UBR3: variants seen among roughly 807,000 people sequenced by gnomAD.
The protein encoded by UBR3 is ubiquitin protein ligase E3 component n-recognin 3, also known as E3 ubiquitin-protein ligase UBR3.
UBR3 carries 85 observed loss-of-function variants against 243.2 expected under a neutral mutation model. The observed-to-expected ratio is 0.35, with a 90% confidence interval of 0.29 to 0.42. UBR3 has a LOEUF of 0.42. UBR3 is among the 10% of genes least tolerant of loss of function. UBR3 has a pLI of 1.00. For synonymous variants in UBR3, 748 were observed against 799.8 expected, an observed-to-expected ratio of 0.94 and a Z score of 1.09; for missense variants, 1,686 against 2,300.8, an observed-to-expected ratio of 0.73 and a Z score of 5.47.
chr2:169,960,578 T>G (rs886176935), intron 24 of UBR3, among the ~76,000 whole-genome samples: 1 of 152,044 alleles, frequency 6.6e-6, no homozygotes, highest in African/African-American at 2.4e-5. Context: ...TATATTTTTG[T>G]TTTTTTACAT....
chr2:169,889,511 G>A (rs1460411127), intron 5 of UBR3, among the ~76,000 whole-genome samples: 1 of 152,086 alleles, frequency 6.6e-6, no homozygotes, highest in African/African-American at 2.4e-5. Context: ...GGGCCCTGTA[G>A]TATGCTTTTA....
intron 1 of UBR3, among the ~76,000 whole-genome samples, chr2:169,853,990 G>C (rs762376535): frequency 6.6e-6 from 1 of 151,968 alleles, no homozygotes; most frequent in East Asian, 1.9e-4. Flanking sequence ...ATGGACACAG[G>C]GAGGGGAATA....
At chr2:169,880,195 T>G (rs894329988) in intron 5 of UBR3, among the ~76,000 whole-genome samples, 17 of 152,150 alleles carry the variant, frequency 1.1e-4, no homozygotes, top group African/African-American at 3.9e-4. Flanking sequence ...AGTAGGAACT[T>G]TAGACAACTA....
intron 1 of UBR3, among the ~76,000 whole-genome samples, chr2:169,868,699 A>G (rs991789560): frequency 1.2e-4 from 19 of 152,214 alleles, no homozygotes; most frequent in African/African-American, 4.3e-4. Flanking sequence ...AATAACCACT[A>G]ACATTTTCTT....
chr2:169,939,557 G>A (rs113681399), intron 19 of UBR3, among the ~76,000 whole-genome samples: 2 of 147,970 alleles, frequency 1.4e-5, no homozygotes, highest in Non-Finnish European at 3.0e-5. Flanking sequence ...GTGAGCCATC[G>A]TGCCAGGCCT....
At position 169,827,653 on chromosome 2, in the gene UBR3, A is replaced by AGGAGCTGCAGGCGCTGCT. The variant is rs2081784292; in HGVS notation, c.152_169dup (p.Leu51_Glu56dup). 1 of 1,244,946 alleles carries AGGAGCTGCAGGCGCTGCT rather than the reference A, an allele frequency of 8.0e-7. No individual in the cohort carries two copies. Among genetic ancestry groups the AGGAGCTGCAGGCGCTGCT allele is most frequent in the Non-Finnish European group, 1.0e-6 (1 of 996,428 alleles). 77.1% of individuals were successfully genotyped at this position (1,244,946 alleles called of 1,614,324 possible). A position where few individuals can be genotyped will look rare whatever the true frequency, so the allele number is the denominator to read the frequency against. The stretch of plus-strand genomic sequence containing the variant: ...CGGCCGGACAACCGCGCAGGTGCTG[A>AGGAGCTGCAGGCGCTGCT]GGAGCTGCAGGCGCTGCTGGAGCGG... On this transcript the variant is annotated inframe_insertion, in exon 1 of 39. Transcript: ENST00000272793.
chr2:169,992,756 T>A (rs1240878917), intron 25 of UBR3, among the ~76,000 whole-genome samples: 1 of 152,208 alleles, frequency 6.6e-6, no homozygotes, highest in East Asian at 1.9e-4. Context: ...TATTCTTTTT[T>A]AAAAATTTCT....
At chr2:170,006,129 A>G (rs893639963) in intron 27 of UBR3, among the ~76,000 whole-genome samples, 12 of 152,130 alleles carry the variant, frequency 7.9e-5, no homozygotes, top group Non-Finnish European at 1.2e-4. Context: ...CCTTGCCCCA[A>G]TTTTTTAGCA....
intron 28 of UBR3, 93 bp downstream of exon 28, chr2:170,007,283 T>G: frequency 7.5e-7 from 1 of 1,332,472 alleles, no homozygotes; most frequent in Non-Finnish European, 1.0e-6. Flanking sequence ...CTCTGGACTT[T>G]TACATATTTA....
rs2084097088 is a variant in UBR3 at position 169,886,296 on chromosome 2, A to G, written c.1039-4869A>G. ...GTGGGAAAGGCCTTAGAAATATTTAATGTATTTCTTTTCCAGTGCAGGAAT... is the reference window on the plus strand; with the variant it reads ...GTGGGAAAGGCCTTAGAAATATTTAGTGTATTTCTTTTCCAGTGCAGGAAT... On this transcript the variant is annotated intron_variant, in intron 5 of 38. Coordinates refer to ENST00000272793, the MANE Select transcript of UBR3 (RefSeq NM_172070.4). 2.6e-5 allele frequency among the ~76,000 whole-genome samples: 4 copies of G among 152,136 alleles called. No homozygotes were observed. In the South Asian group the frequency reaches 8.3e-4, roughly 32 times the overall value.
chr2:169,956,526 G>A (rs2087304895), intron 23 of UBR3, among the ~76,000 whole-genome samples: 1 of 151,836 alleles, frequency 6.6e-6, no homozygotes, highest in African/African-American at 2.4e-5. Flanking sequence ...TGATCAACCT[G>A]GATAATAATA....
chr2:170,077,691 T>C (rs576069165), intron 36 of UBR3: 2 of 340,136 alleles, frequency 5.9e-6, no homozygotes, highest in South Asian at 1.6e-4. Context: ...GTTCAAGTGA[T>C]TTTCCTGCCT....
intron 1 of UBR3, among the ~76,000 whole-genome samples, chr2:169,832,333 G>A (rs898361979): frequency 2.0e-5 from 3 of 149,132 alleles, no homozygotes; most frequent in Admixed American, 2.0e-4. Flanking sequence ...GGCAGATCAC[G>A]AAGTCAGGAG....
At chr2:169,869,280 G>A (rs555849496) in intron 1 of UBR3, among the ~76,000 whole-genome samples, 2 of 144,490 alleles carry the variant, frequency 1.4e-5, no homozygotes, top group East Asian at 4.1e-4. Context: ...CGAGTGCAGT[G>A]GTGCGATCTC....
chr2:170,007,528 T>C (rs1435347654), intron 28 of UBR3, among the ~76,000 whole-genome samples: 1 of 151,488 alleles, frequency 6.6e-6, no homozygotes, highest in Non-Finnish European at 1.5e-5. Flanking sequence ...GAGGCTGAGG[T>C]GGACAGATAA....
chr2:169,854,070 G>A (rs2082756179), intron 1 of UBR3, among the ~76,000 whole-genome samples: 2 of 152,054 alleles, frequency 1.3e-5, no homozygotes, highest in Admixed American at 1.3e-4. Flanking sequence ...CCTAATGCAT[G>A]CGGGGCTTAA....
chr2:169,933,566 G>T (rs1327631798), intron 19 of UBR3, among the ~76,000 whole-genome samples: 1 of 152,158 alleles, frequency 6.6e-6, no homozygotes, highest in African/African-American at 2.4e-5. Flanking sequence ...CATTGTAAAT[G>T]TATTATTTCA....
Position 169,885,440 on chromosome 2 carries a change from G to T in UBR3, c.1039-5725G>T, listed in dbSNP as rs1024041388. Among the ~76,000 whole-genome samples, 15 of 152,108 alleles carry T rather than the reference G, an allele frequency of 9.9e-5. 1 individual carries two copies. The highest frequency in any genetic ancestry group is 2.2e-4 in the Non-Finnish European group (15 of 68,010). On this transcript the variant is annotated intron_variant, in intron 5 of 38. Coordinates refer to ENST00000272793, the MANE Select transcript of UBR3 (RefSeq NM_172070.4). Reference sequence around the variant, plus strand: ...CTACTAAAAATACAAAATTAGCCAGGCGTGGTGGCACATGCCTGTAATCCT... The same window carrying T: ...CTACTAAAAATACAAAATTAGCCAGTCGTGGTGGCACATGCCTGTAATCCT...
chr2:170,067,984 G>A (rs2091614169), intron 35 of UBR3, among the ~76,000 whole-genome samples: 1 of 151,582 alleles, frequency 6.6e-6, no homozygotes, highest in Non-Finnish European at 1.5e-5. Context: ...TGGGCAGGAT[G>A]GTCTTGAACT....
Sources: gnomAD v4.1 joint callset for allele counts (sites outside exome capture counted in the v4.1 genomes callset) on GRCh38, gnomAD v4.1.1 for gene constraint, MANE v1.5 for transcripts, NCBI Gene and HGNC (gene_info 2026-07-23, HGNC 2026-07-21) for gene names.